F8: variants seen among roughly 807,000 people sequenced by gnomAD.
F8 encodes coagulation factor VIII.
Under a neutral mutation model 140.6 loss-of-function variants are expected in F8, and 12 were observed. The ratio of observed to expected loss-of-function variants is 0.09; its 90% CI spans 0.05 to 0.14. F8 has a LOEUF of 0.14. Ranked by LOEUF, F8 falls within the 10% of genes least tolerant of loss-of-function variation. The pLI is 1.00. For missense variants in F8, 1,354 were observed against 1,720.7 expected (o/e 0.79, Z 3.77); for synonymous variants, 585 against 614.6 (o/e 0.95, Z 0.71).
rs1557275827 is a variant in F8 at position 154,899,967 on chromosome X, G to T, written c.6188-16C>A. The T allele has an allele frequency of 8.4e-7, 1 of 1,195,711 alleles. No homozygotes were observed. The highest frequency in any genetic ancestry group is 2.2e-5 in the Admixed American group (1 of 45,907). Reference sequence around the variant, plus strand: ...GCCCACTGTCCTTTGCCCAAGTAAAGAAACAGAGATTAAATTCAGCTGGGT... The same window carrying T: ...GCCCACTGTCCTTTGCCCAAGTAAATAAACAGAGATTAAATTCAGCTGGGT... On this transcript the variant is annotated splice_polypyrimidine_tract_variant and intron_variant, in intron 20 of 25. Transcript: ENST00000360256.
At chrX:154,842,755 A>G (rs2148558031) in intron 25 of F8, among the ~76,000 whole-genome samples, 1 of 112,092 alleles carries the variant, frequency 8.9e-6, no homozygotes, top group Non-Finnish European at 1.9e-5. Flanking sequence ...AAATTCTAAC[A>G]TGTTTCCTTT....
At chrX:154,867,473 G>A (rs2072739514) in intron 22 of F8, among the ~76,000 whole-genome samples, 1 of 109,858 alleles carries the variant, frequency 9.1e-6, no homozygotes, top group Non-Finnish European at 1.9e-5. Context: ...ATCACTTGAG[G>A]TCAGGAATTC....
chrX:154,982,242 T>C (rs1453163527), intron 6 of F8, among the ~76,000 whole-genome samples: 1 of 106,005 alleles, frequency 9.4e-6, no homozygotes, highest in Non-Finnish European at 1.9e-5. Flanking sequence ...GGTCAGGAGA[T>C]CGAGACCATC....
Position 155,022,335 on chromosome X carries a change from T to A in F8, c.143+75A>T. 6 of 1,075,111 alleles carry A rather than the reference T, an allele frequency of 5.6e-6. No homozygotes were observed. The South Asian group carries it at 1.1e-4, about 20-fold the overall frequency. The allele number at this position is 1,075,111 out of a possible 1,213,427, so 88.6% of individuals were successfully genotyped here. On this transcript the variant is annotated intron_variant, in intron 1 of 25. Coordinates refer to ENST00000360256, the MANE Select transcript of F8 (RefSeq NM_000132.4). ...GCATCACAACCATCCTAACCCGATG[T>A]CTGCACCTTCCTCCAAGCAGACTTA...
At chrX:154,985,454 A>G (rs1557284121) in intron 5 of F8, among the ~76,000 whole-genome samples, 1 of 111,636 alleles carries the variant, frequency 9.0e-6, no homozygotes, top group African/African-American at 3.3e-5. Context: ...AAGAAAAGAA[A>G]AAAGAAAATT....
At chrX:154,840,792 GT>G (rs1228542919) in intron 25 of F8, among the ~76,000 whole-genome samples, 1 of 112,134 alleles carries the variant, frequency 8.9e-6, no homozygotes, top group African/African-American at 3.2e-5. Context: ...GCACAAAAGA[GT>G]GTGTCAAACA....
chrX:154,875,034 T>A (rs2072801500), intron 22 of F8, among the ~76,000 whole-genome samples: 1 of 112,099 alleles, frequency 8.9e-6, no homozygotes, highest in Non-Finnish European at 1.9e-5. Context: ...AAATATTATT[T>A]GGCCTTAAAA....
Position 154,877,131 on chromosome X carries a change from C to A in F8, c.6430-13904G>T, listed in dbSNP as rs184817916. Among the ~76,000 whole-genome samples the A allele has an allele frequency of 3.8e-3, 431 of 112,029 alleles. 1 individual carries two copies. The highest frequency in any genetic ancestry group is 6.2e-3 in the Non-Finnish European group (331 of 53,183). On this transcript the variant is annotated intron_variant, in intron 22 of 25. Transcript: ENST00000360256. ...TGTTGATCATTAACTTGTGACTAAA[C>A]CGTATGTGCTAGGAAGAATATGATC...
rs1359143515 is a variant in F8 at position 154,838,381 on chromosome X, C to T, written c.6901-629G>A. Reference sequence around the variant, plus strand: ...AAAATGAAGATCTGAATGTTCAAAACGTGTAATTCAAGGCAACTCTGAAAC... The same window carrying T: ...AAAATGAAGATCTGAATGTTCAAAATGTGTAATTCAAGGCAACTCTGAAAC... On this transcript the variant is annotated intron_variant, in intron 25 of 25. Coordinates refer to ENST00000360256, the MANE Select transcript of F8 (RefSeq NM_000132.4). 7.2e-5 allele frequency among the ~76,000 whole-genome samples: 8 copies of T among 111,681 alleles called. No individual in the cohort carries two copies. In the Admixed American group the frequency reaches 7.6e-4, roughly 11 times the overall value.
At chrX:154,948,818 G>C (rs6643718) in intron 12 of F8, among the ~76,000 whole-genome samples, 1 of 111,835 alleles carries the variant, frequency 8.9e-6, no homozygotes, top group Non-Finnish European at 1.9e-5. Flanking sequence ...CATTGGCTTA[G>C]TATAACTAAT....
chrX:154,928,831 C>T lies in F8; in HGVS notation c.4959G>A (p.Arg1653=), dbSNP rs974042528. The T allele has an allele frequency of 1.2e-5, 15 of 1,211,776 alleles. No homozygotes were observed. The highest frequency in any genetic ancestry group is 1.7e-5 in the Non-Finnish European group (15 of 895,487). Residue 1653 remains arginine (R), a synonymous_variant, in exon 14 of 26, where the codon AGG becomes AGA. Coordinates refer to ENST00000360256, the MANE Select transcript of F8 (RefSeq NM_000132.4). The part of the protein sequence containing the change: ...VTWAKQGRTE[R]LCSQNPPVLK... ...AGACTGGTGGGTTTTGAGAGCACAG[C>T]CTTTCAGTCCTACCTTGCTTTGCCC... is the stretch of plus-strand genomic sequence containing the variant.
intron 1 of F8, among the ~76,000 whole-genome samples, chrX:155,003,441 C>CACCAACAACAACGGCA (rs2124153523): frequency 1.0e-5 from 1 of 100,107 alleles, no homozygotes; most frequent in South Asian, 4.3e-4. Context: ...AAAAAAAAAA[C>CACCAACAACAACGGCA]ACCAACAACA....
At chrX:155,011,864 A>G (rs1394416111) in intron 1 of F8, among the ~76,000 whole-genome samples, 1 of 112,365 alleles carries the variant, frequency 8.9e-6, no homozygotes, top group African/African-American at 3.2e-5. Flanking sequence ...AATCTTGAAA[A>G]CATGCTAAGC....
chrX:154,855,147 C>T (rs1441905751), intron 25 of F8, among the ~76,000 whole-genome samples: 4 of 111,769 alleles, frequency 3.6e-5, no homozygotes, highest in African/African-American at 9.8e-5. Flanking sequence ...AAAATATCTC[C>T]ATTGGATACT....
intron 14 of F8, among the ~76,000 whole-genome samples, chrX:154,926,478 C>T (rs782651879): frequency 3.6e-5 from 4 of 111,671 alleles, no homozygotes; most frequent in South Asian, 3.8e-4. Flanking sequence ...CCAGTTCAAG[C>T]GATTCTCGTG....
intron 7 of F8, 112 bp from the exon 8 acceptor site, chrX:154,966,799 C>A (rs782507469): frequency 5.3e-6 from 5 of 948,692 alleles, no homozygotes; most frequent in Middle Eastern, 2.8e-4. Context: ...CATGTTTCTG[C>A]AGGCTATATG....
At chrX:154,984,012 T>C (rs1248413398) in intron 6 of F8, among the ~76,000 whole-genome samples, 1 of 111,347 alleles carries the variant, frequency 9.0e-6, no homozygotes, top group Non-Finnish European at 1.9e-5. Flanking sequence ...AACCATGAGT[T>C]GAGGGGAGAT....
chrX:154,992,398 T>A (rs2313059), intron 4 of F8, among the ~76,000 whole-genome samples: 1,265 of 112,668 alleles, frequency 0.011, 18 homozygotes, highest in African/African-American at 0.038. Context: ...AAGGTATAAA[T>A]TAAAAACAGG....
intron 25 of F8, among the ~76,000 whole-genome samples, chrX:154,849,097 C>T (rs1208612719): frequency 9.0e-6 from 1 of 111,089 alleles, no homozygotes; most frequent in Non-Finnish European, 1.9e-5. Context: ...CCTCACCCTC[C>T]TGAGTAACTG....
Sources: gnomAD v4.1 joint callset for allele counts (sites outside exome capture counted in the v4.1 genomes callset) on GRCh38, gnomAD v4.1.1 for gene constraint, MANE v1.5 for transcripts, NCBI Gene and HGNC (gene_info 2026-07-23, HGNC 2026-07-21) for gene names.